The following PCED1B variants were observed in gnomAD, a reference collection of about 807,000 sequenced individuals.
PCED1B encodes the protein PC-esterase domain containing 1B.
For synonymous variants in PCED1B, 251 were observed against 246.1 expected, an observed-to-expected ratio of 1.02 and a Z score of -0.19; for missense variants, 573 against 573.9, an observed-to-expected ratio of 1.00 and a Z score of 0.02.
intron 1 of PCED1B, among the ~76,000 whole-genome samples, chr12:47,101,397 CAGTAAAATGA>C (rs1245415520): frequency 6.6e-6 from 1 of 152,138 alleles, no homozygotes; most frequent in Non-Finnish European, 1.5e-5. Flanking sequence ...GTTTCTTTTT[CAGTAAAATGA>C]ATTTCCTTCA....
At chr12:47,153,160 T>C (rs931437570) in intron 2 of PCED1B, among the ~76,000 whole-genome samples, 4 of 151,508 alleles carry the variant, frequency 2.6e-5, no homozygotes, top group Admixed American at 6.6e-5. Context: ...CCATCCTGGC[T>C]AACACGGTGA....
chr12:47,087,778 C>A (rs1020037407), intron 1 of PCED1B, among the ~76,000 whole-genome samples: 1 of 152,020 alleles, frequency 6.6e-6, no homozygotes, highest in African/African-American at 2.4e-5. Flanking sequence ...TGGGGAAAAC[C>A]ATTAAACGGT....
intron 2 of PCED1B, among the ~76,000 whole-genome samples, chr12:47,198,783 G>A (rs1411986671): frequency 6.6e-6 from 1 of 151,912 alleles, no homozygotes; most frequent in Non-Finnish European, 1.5e-5. Flanking sequence ...CGGCTAACAT[G>A]GTGAAACCCT....
At chr12:47,119,367 G>GA (rs1939573261) in intron 2 of PCED1B, among the ~76,000 whole-genome samples, 1 of 151,962 alleles carries the variant, frequency 6.6e-6, no homozygotes, top group South Asian at 2.1e-4. Context: ...AGCAACAAAA[G>GA]AAAAAATAGA....
intron 3 of PCED1B, among the ~76,000 whole-genome samples, chr12:47,224,376 A>G (rs1284471866): frequency 6.6e-6 from 1 of 152,222 alleles, no homozygotes; most frequent in Admixed American, 6.5e-5. Flanking sequence ...CGTTGTTTAT[A>G]TTAGACTATT....
intron 1 of PCED1B, among the ~76,000 whole-genome samples, chr12:47,089,290 A>G (rs950508791): frequency 5.3e-5 from 8 of 151,296 alleles, no homozygotes; most frequent in African/African-American, 1.7e-4. Flanking sequence ...AAATATGAAA[A>G]CAAAAAATTA....
At chr12:47,201,634 T>A (rs1244151347) in intron 2 of PCED1B, among the ~76,000 whole-genome samples, 1 of 151,904 alleles carries the variant, frequency 6.6e-6, no homozygotes, top group Non-Finnish European at 1.5e-5. Flanking sequence ...GGTCTCACTG[T>A]ATCATTCAGG....
intron 2 of PCED1B, among the ~76,000 whole-genome samples, chr12:47,212,780 A>C (rs575179202): frequency 6.6e-6 from 1 of 152,358 alleles, no homozygotes; most frequent in Admixed American, 6.5e-5. Flanking sequence ...AGTACCAAGC[A>C]GTCTGCTTAG....
chr12:47,195,002 C>T (rs1315007890), intron 2 of PCED1B, among the ~76,000 whole-genome samples: 1 of 152,064 alleles, frequency 6.6e-6, no homozygotes, highest in East Asian at 1.9e-4. Flanking sequence ...GGAAGAAAAG[C>T]CTGTTTTAGT....
chr12:47,228,870 T>C (rs767564243), intron 3 of PCED1B, among the ~76,000 whole-genome samples: 1 of 148,864 alleles, frequency 6.7e-6, no homozygotes. Context: ...TGAAACTCCG[T>C]CTCAAAAAAA....
At chr12:47,212,603 C>T (rs552710821) in intron 2 of PCED1B, among the ~76,000 whole-genome samples, 2 of 152,328 alleles carry the variant, frequency 1.3e-5, no homozygotes, top group East Asian at 3.9e-4. Flanking sequence ...GCAGTCTATT[C>T]CTGCAGTGAT....
chr12:47,203,997 A>C (rs1290892358), intron 2 of PCED1B, among the ~76,000 whole-genome samples: 1 of 152,082 alleles, frequency 6.6e-6, no homozygotes, highest in Admixed American at 6.6e-5. Context: ...CCTCGCCAGC[A>C]TCTGTTGTTT....
At chr12:47,124,029 A>G (rs149506517) in intron 2 of PCED1B, among the ~76,000 whole-genome samples, 155 of 152,186 alleles carry the variant, frequency 1.0e-3, no homozygotes, top group African/African-American at 3.6e-3. Flanking sequence ...TCATTGATGT[A>G]TAATTGACAT....
rs187875733 is a variant in PCED1B at position 47,145,456 on chromosome 12, G to A, written c.-526+41261G>A. Among the ~76,000 whole-genome samples, 19 of 152,314 alleles carry A rather than the reference G, an allele frequency of 1.2e-4. No individual in the cohort carries two copies. In the East Asian group the frequency reaches 3.3e-3, roughly 26 times the overall value. ...GATTTTCAGTGTAGACAAAACAGCC[G>A]CTATTGGAAGAAAATCCCGTCTAGG... is the stretch of plus-strand genomic sequence containing the variant. On this transcript the variant is annotated intron_variant, in intron 2 of 3. Coordinates refer to ENST00000546455, the MANE Select transcript of PCED1B (RefSeq NM_138371.3).
At chr12:47,079,977 G>A (rs1941944283) in intron 1 of PCED1B, 1 of 151,834 alleles carries the variant, frequency 6.6e-6, no homozygotes, top group Non-Finnish European at 1.5e-5. Context: ...AGCAGGCTGG[G>A]CGCGTGGTGG....
At chr12:47,115,080 G>A (rs1172534939) in intron 2 of PCED1B, among the ~76,000 whole-genome samples, 1 of 152,218 alleles carries the variant, frequency 6.6e-6, no homozygotes, top group African/African-American at 2.4e-5. Flanking sequence ...GTATAAAAAG[G>A]TATATAATAA....
intron 1 of PCED1B, among the ~76,000 whole-genome samples, chr12:47,096,880 T>C (rs886146968): frequency 1.3e-5 from 2 of 152,334 alleles, no homozygotes; most frequent in Admixed American, 1.3e-4. Context: ...TGGAATTTGA[T>C]TAAATAATTA....
At chr12:47,188,912 T>C (rs10881068) in intron 2 of PCED1B, among the ~76,000 whole-genome samples, 32,857 of 152,144 alleles carry the variant, frequency 0.22, 4,450 homozygotes, top group South Asian at 0.46. Flanking sequence ...TTGCTTCTTA[T>C]TGCAAAATGC....
At chr12:47,193,503 G>A (rs890374158) in intron 2 of PCED1B, among the ~76,000 whole-genome samples, 9 of 151,926 alleles carry the variant, frequency 5.9e-5, no homozygotes, top group South Asian at 2.1e-4. Context: ...GCCTTCACTC[G>A]CCTGGATTAC....
Sources: allele counts gnomAD v4.1 joint callset (sites outside exome capture counted in the v4.1 genomes callset), GRCh38; gene constraint gnomAD v4.1.1; transcripts MANE v1.5; gene names NCBI Gene and HGNC (gene_info 2026-07-23, HGNC 2026-07-21).